The following UBA6 variants were observed in gnomAD, a reference collection of about 807,000 sequenced individuals.
UBA6 encodes the protein ubiquitin like modifier activating enzyme 6.
In UBA6, 87 loss-of-function variants were observed where a neutral mutation model predicts 148.3. That is an observed-to-expected ratio of 0.59 (90% CI 0.49 to 0.70). The LOEUF is 0.70. Among genes scored for constraint, UBA6 ranks in the 30% least tolerant of loss-of-function variants. The pLI is 0.00. For synonymous variants in UBA6, 376 were observed against 401.0 expected, an observed-to-expected ratio of 0.94 and a Z score of 0.75; for missense variants, 1,186 against 1,241.2, an observed-to-expected ratio of 0.96 and a Z score of 0.67.
rs1400463741 is a variant in UBA6, at chr4:67,637,078, G to C, written c.1737-1520C>G. 2.7e-5 allele frequency among the ~76,000 whole-genome samples: 4 copies of C among 149,494 alleles called. No homozygotes were observed. The South Asian group carries it at 6.4e-4, about 24-fold the overall frequency. ...GGGAGGTGAGGAGCGTCTCTGCCCT[G>C]CCGCCCCGTCTGAGAAGTGAGGAGC... On this transcript the variant is annotated intron_variant, in intron 19 of 32. Transcript: ENST00000322244.
At chr4:67,632,204 T>C (rs1048384070) in intron 23 of UBA6, among the ~76,000 whole-genome samples, 2 of 152,224 alleles carry the variant, frequency 1.3e-5, no homozygotes, top group African/African-American at 4.8e-5. Flanking sequence ...CCTTTTTATA[T>C]AAATGGCATA....
intron 27 of UBA6, among the ~76,000 whole-genome samples, chr4:67,628,735 A>G (rs1346712459): frequency 2.0e-5 from 3 of 152,064 alleles, no homozygotes; most frequent in East Asian, 1.9e-4. Context: ...TGTAAGCTCT[A>G]TAACAACAGG....
At chr4:67,631,363 C>T (rs147929615) in intron 25 of UBA6, among the ~76,000 whole-genome samples, 1 of 152,126 alleles carries the variant, frequency 6.6e-6, no homozygotes, top group African/African-American at 2.4e-5. Flanking sequence ...TTATTTGTTC[C>T]TCCATATAAC....
Position 67,700,102 on chromosome 4 carries a change from A to G in UBA6, c.71+947T>C, listed in dbSNP as rs1372905672. Among the ~76,000 whole-genome samples the G allele has an allele frequency of 2.6e-5, 4 of 152,200 alleles. No individual in the cohort carries two copies. The East Asian group carries it at 7.7e-4, about 29-fold the overall frequency. On this transcript the variant is annotated intron_variant, in intron 1 of 32. Transcript: ENST00000322244. ...AGTTGTGCCTCACTGGAATGTTTCA[A>G]AAATATGTAAAAATAATATGATCTA...
At chr4:67,643,024 T>C (rs923840499) in intron 17 of UBA6, among the ~76,000 whole-genome samples, 2 of 151,934 alleles carry the variant, frequency 1.3e-5, no homozygotes, top group African/African-American at 4.8e-5. Flanking sequence ...TTTGGCTTTA[T>C]GTAAAAATTT....
intron 2 of UBA6, among the ~76,000 whole-genome samples, chr4:67,694,339 A>G (rs2109961023): frequency 6.7e-6 from 1 of 149,688 alleles, no homozygotes; most frequent in East Asian, 1.9e-4. Context: ...TAAGAAAATA[A>G]GAGCTGGTTA....
chr4:67,660,833 G>T (rs977363431), intron 13 of UBA6, among the ~76,000 whole-genome samples: 1 of 152,178 alleles, frequency 6.6e-6, no homozygotes, highest in South Asian at 2.1e-4. Context: ...CAGTCGGAAG[G>T]GGGGCTGTAC....
chr4:67,624,486 A>C (rs1645948129), intron 29 of UBA6, among the ~76,000 whole-genome samples: 1 of 152,128 alleles, frequency 6.6e-6, no homozygotes, highest in African/African-American at 2.4e-5. Flanking sequence ...AAAAATATTA[A>C]TTCAACCATA....
Position 67,701,039 on chromosome 4 carries a change from G to C in UBA6, c.71+10C>G. ...GCGACCCCTCACCTTCGCCCTTCTC[G>C]TCCTCTCACCTGCCAGTCCCCCAGG... On this transcript the variant is annotated intron_variant, in intron 1 of 32. Transcript: ENST00000322244. The C allele has an allele frequency of 6.2e-7, 1 of 1,613,612 alleles. No homozygotes were observed. The highest frequency in any genetic ancestry group is 8.5e-7 in the Non-Finnish European group (1 of 1,179,656).
intron 32 of UBA6, among the ~76,000 whole-genome samples, chr4:67,621,330 ATAGATACGT>A (rs1195150761): frequency 6.6e-6 from 1 of 152,254 alleles, no homozygotes; most frequent in Non-Finnish European, 1.5e-5. Context: ...GTTAAAGCCA[ATAGATACGT>A]TAAACACAAC....
intron 17 of UBA6, among the ~76,000 whole-genome samples, chr4:67,644,296 T>G (rs1168462504): frequency 6.6e-6 from 1 of 152,136 alleles, no homozygotes; most frequent in Admixed American, 6.5e-5. Flanking sequence ...TGAAACTACA[T>G]CTGAGTCCTC....
chr4:67,685,544 T>C (rs902421600), intron 2 of UBA6, among the ~76,000 whole-genome samples: 1 of 152,172 alleles, frequency 6.6e-6, no homozygotes, highest in Non-Finnish European at 1.5e-5. Flanking sequence ...TTTTGCATTA[T>C]GAGGACAAAA....
At chr4:67,651,145 A>G (rs1729545349) in intron 13 of UBA6, among the ~76,000 whole-genome samples, 1 of 152,180 alleles carries the variant, frequency 6.6e-6, no homozygotes, top group Admixed American at 6.5e-5. Flanking sequence ...CATTTCAGCT[A>G]CTGAAAATCC....
At chr4:67,639,243 A>C in intron 18 of UBA6, 119 bp from the exon 19 acceptor site, 2 of 673,214 alleles carry the variant, frequency 3.0e-6, no homozygotes, top group Non-Finnish European at 4.7e-6. Flanking sequence ...TACATATATA[A>C]TGAGAGTAAT....
intron 13 of UBA6, among the ~76,000 whole-genome samples, chr4:67,655,510 T>C (rs1162464727): frequency 6.6e-6 from 1 of 152,146 alleles, no homozygotes; most frequent in African/African-American, 2.4e-5. Flanking sequence ...AGACACAACA[T>C]ACCAGAATCT....
chr4:67,665,098 A>C, intron 10 of UBA6, 91 bp downstream of exon 10: 1 of 669,006 alleles, frequency 1.5e-6, no homozygotes, highest in Non-Finnish European at 2.5e-6. Flanking sequence ...TTCCACATTT[A>C]ATCTGTTTGG....
chr4:67,634,338 G>GAA lies in UBA6; in HGVS notation c.1933-18_1933-17dup. 6.0e-6 allele frequency: 9 copies of GAA among 1,508,538 alleles called. No individual in the cohort carries two copies. The highest frequency in any genetic ancestry group is 4.6e-5 in the Admixed American group (2 of 43,848). 93.4% of individuals were successfully genotyped at this position (1,508,538 alleles called of 1,614,324 possible). ...AACTTTCAAACTGTAACAGAGAAAAGAAAAAAAAAATTACAAATAGAAGTC... is the reference window on the plus strand; with the variant it reads ...AACTTTCAAACTGTAACAGAGAAAAGAAAAAAAAAAAATTACAAATAGAAGTC... On this transcript the variant is annotated splice_polypyrimidine_tract_variant and intron_variant, in intron 21 of 32. Transcript: ENST00000322244.
intron 1 of UBA6, 81 bp downstream of exon 1, chr4:67,700,968 C>T: frequency 6.4e-7 from 1 of 1,570,420 alleles, no homozygotes; most frequent in Non-Finnish European, 8.7e-7. Context: ...GCGCCCCCAG[C>T]CCGCCGGAAA....
intron 2 of UBA6, among the ~76,000 whole-genome samples, chr4:67,691,922 A>G (rs1730703217): frequency 6.6e-6 from 1 of 152,204 alleles, no homozygotes; most frequent in Non-Finnish European, 1.5e-5. Flanking sequence ...GGATTGCTGA[A>G]AGAAAGTCAT....
Sources: gnomAD v4.1 joint callset for allele counts (sites outside exome capture counted in the v4.1 genomes callset) on GRCh38, gnomAD v4.1.1 for gene constraint, MANE v1.5 for transcripts, NCBI Gene and HGNC (gene_info 2026-07-23, HGNC 2026-07-21) for gene names.